PTN: variants seen among roughly 807,000 people sequenced by gnomAD.
PTN encodes the protein pleiotrophin.
PTN carries 18 observed loss-of-function variants against 24.1 expected under a neutral mutation model. The ratio of observed to expected loss-of-function variants is 0.75; its 90% CI spans 0.52 to 1.11. The LOEUF is 1.11. Ranked by LOEUF, PTN falls within the 50% of genes least tolerant of loss-of-function variation. The pLI is 0.00. For synonymous variants in PTN, 78 were observed against 68.6 expected (o/e 1.14, Z -0.67); for missense variants, 163 against 198.8 (o/e 0.82, Z 1.08).
intron 4 of PTN, among the ~76,000 whole-genome samples, chr7:137,249,897 T>C (rs1380648610): frequency 6.6e-6 from 1 of 152,158 alleles, no homozygotes; most frequent in East Asian, 1.9e-4. Context: ...TGGAGATAAC[T>C]ATTTCTATGG....
At chr7:137,324,433 A>AAAAAAT in intron 1 of PTN, among the ~76,000 whole-genome samples, 29 of 88,764 alleles carry the variant, frequency 3.3e-4, no homozygotes, top group East Asian at 6.0e-4. Context: ...AAAAAAAAAA[A>AAAAAAT]ATATATATAT....
intron 1 of PTN, among the ~76,000 whole-genome samples, chr7:137,314,072 C>T (rs2128880215): frequency 6.6e-6 from 1 of 152,032 alleles, no homozygotes; most frequent in South Asian, 2.1e-4. Flanking sequence ...TTCTATTATT[C>T]AGCTGCTGAG....
intron 1 of PTN, among the ~76,000 whole-genome samples, chr7:137,267,858 G>C (rs1809184779): frequency 6.6e-6 from 1 of 152,230 alleles, no homozygotes; most frequent in East Asian, 1.9e-4. Flanking sequence ...TCTAAGTCAA[G>C]TCAAAAACAA....
At chr7:137,284,409 G>T (rs1809523033) in intron 1 of PTN, among the ~76,000 whole-genome samples, 1 of 151,878 alleles carries the variant, frequency 6.6e-6, no homozygotes, top group South Asian at 2.1e-4. Context: ...TCTTTCCTTG[G>T]AAGCATCAAA....
At chr7:137,305,129 C>G (rs75776075) in intron 1 of PTN, among the ~76,000 whole-genome samples, 3,280 of 152,074 alleles carry the variant, frequency 0.022, 122 homozygotes, top group African/African-American at 0.071. Context: ...CAGAGTACAT[C>G]CTCTCAGTTT....
At chr7:137,287,674 A>C (rs2128876869) in intron 1 of PTN, 1 of 152,328 alleles carries the variant, frequency 6.6e-6, no homozygotes, top group Non-Finnish European at 1.5e-5. Context: ...GTTCCATATA[A>C]TTAAAAGTCT....
chr7:137,332,214 C>T (rs1384076919), intron 1 of PTN, among the ~76,000 whole-genome samples: 4 of 152,062 alleles, frequency 2.6e-5, no homozygotes, highest in Admixed American at 6.6e-5. Flanking sequence ...TCAGAAAAAC[C>T]GTAAAGGTAT....
At chr7:137,269,555 T>G (rs551900492) in intron 1 of PTN, among the ~76,000 whole-genome samples, 168 of 152,124 alleles carry the variant, frequency 1.1e-3, no homozygotes, top group African/African-American at 3.9e-3. Flanking sequence ...AGAGAAAAAT[T>G]TATCCTGATT....
chr7:137,316,310 T>C (rs1051251409), intron 1 of PTN, among the ~76,000 whole-genome samples: 3 of 152,198 alleles, frequency 2.0e-5, no homozygotes, highest in Admixed American at 2.0e-4. Flanking sequence ...AGTCTCTCCA[T>C]TCATTTCTGT....
intron 4 of PTN, among the ~76,000 whole-genome samples, chr7:137,239,135 A>G (rs1208652225): frequency 6.6e-6 from 1 of 152,206 alleles, no homozygotes; most frequent in Non-Finnish European, 1.5e-5. Context: ...TGCCCCAGCA[A>G]TTAGGACCAA....
chr7:137,269,624 A>AT (rs869311084), intron 1 of PTN, among the ~76,000 whole-genome samples: 1,664 of 63,042 alleles, frequency 0.026, 427 homozygotes, highest in East Asian at 0.047. Flanking sequence ...TGCTTCATCT[A>AT]TTTTTTTTTT....
At chr7:137,317,818 AGG>A (rs1307211800) in intron 1 of PTN, among the ~76,000 whole-genome samples, 2 of 152,184 alleles carry the variant, frequency 1.3e-5, no homozygotes, top group Non-Finnish European at 2.9e-5. Flanking sequence ...TAGTCTTTGC[AGG>A]AAGATGCGTC....
At chr7:137,302,093 GTAAACCC>G (rs1305486067) in intron 1 of PTN, among the ~76,000 whole-genome samples, 1 of 151,950 alleles carries the variant, frequency 6.6e-6, no homozygotes, top group Non-Finnish European at 1.5e-5. Flanking sequence ...AAGAAAGAAA[GTAAACCC>G]TAATAAGTCA....
At chr7:137,280,619 C>T (rs138392184) in intron 1 of PTN, among the ~76,000 whole-genome samples, 6,439 of 145,726 alleles carry the variant, frequency 0.044, 221 homozygotes, top group Non-Finnish European at 0.055. Context: ...TTTGGGAGGC[C>T]GAGGCAGGTG....
intron 1 of PTN, among the ~76,000 whole-genome samples, chr7:137,288,898 C>T (rs1187464422): frequency 6.6e-6 from 1 of 152,114 alleles, no homozygotes; most frequent in African/African-American, 2.4e-5. Flanking sequence ...GAGAATACTT[C>T]AAATCAGATA....
intron 1 of PTN, among the ~76,000 whole-genome samples, chr7:137,313,528 T>G (rs1009228951): frequency 6.6e-6 from 1 of 152,108 alleles, no homozygotes; most frequent in African/African-American, 2.4e-5. Flanking sequence ...GAGCTAGCTC[T>G]CCCCCTTAAT....
intron 1 of PTN, among the ~76,000 whole-genome samples, chr7:137,258,349 A>T (rs1267856585): frequency 1.3e-5 from 2 of 152,178 alleles, no homozygotes; most frequent in East Asian, 3.9e-4. Context: ...GAATTGAGTA[A>T]ATGGTGGATT....
At chr7:137,258,814 C>A (rs1227047408) in intron 1 of PTN, among the ~76,000 whole-genome samples, 2 of 152,052 alleles carry the variant, frequency 1.3e-5, no homozygotes, top group Admixed American at 1.3e-4. Context: ...TGAAGTTTAA[C>A]CCTACCTGTT....
Position 137,335,928 on chromosome 7 carries a change from C to CCTTTTTTTTTTGT in PTN, c.-2+7510_-2+7511insACAAAAAAAAAAG, listed in dbSNP as rs1452375474. Among the ~76,000 whole-genome samples the CCTTTTTTTTTTGT allele has an allele frequency of 1.4e-5, 2 of 141,896 alleles. 1 individual carries two copies. 93.1% of individuals were successfully genotyped at this position (141,896 alleles called of 152,430 possible). On this transcript the variant is annotated intron_variant, in intron 1 of 4. Transcript: ENST00000348225. ...CAGCCTCATTTAAGATGTCTTCTCG[C>CCTTTTTTTTTTGT]TTTTTTTTTTTTTTTTTAGTATGAC... is the stretch of plus-strand genomic sequence containing the variant.
Sources: allele counts gnomAD v4.1 joint callset (sites outside exome capture counted in the v4.1 genomes callset), GRCh38; gene constraint gnomAD v4.1.1; transcripts MANE v1.5; gene names NCBI Gene and HGNC (gene_info 2026-07-23, HGNC 2026-07-21).